KDM4C: variants seen among roughly 807,000 people sequenced by gnomAD.
KDM4C encodes lysine demethylase 4C, also known as lysine-specific demethylase 4C.
KDM4C carries 81 observed loss-of-function variants against 129.3 expected under a neutral mutation model. The observed-to-expected ratio is 0.63, with a 90% CI of 0.52 to 0.75. The LOEUF is 0.75. Among genes scored for constraint, KDM4C ranks in the 30% least tolerant of loss-of-function variants. The pLI, the probability that KDM4C is intolerant of heterozygous loss-of-function variation, is 0.00. For synonymous variants in KDM4C, 573 were observed against 456.1 expected, an observed-to-expected ratio of 1.26 and a Z score of -3.26; for missense variants, 1,457 against 1,304.0, an observed-to-expected ratio of 1.12 and a Z score of -1.81.
chr9:6,734,231 A>G (rs1366222528), intron 1 of KDM4C, among the ~76,000 whole-genome samples: 1 of 151,038 alleles, frequency 6.6e-6, no homozygotes, highest in African/African-American at 2.4e-5. Context: ...CTAGGCTGCT[A>G]CCTGGATAAG....
At chr9:7,146,622 A>G (rs1842237679) in intron 19 of KDM4C, among the ~76,000 whole-genome samples, 1 of 152,224 alleles carries the variant, frequency 6.6e-6, no homozygotes, top group African/African-American at 2.4e-5. Context: ...GTTTCTATGA[A>G]GTAAAAAACT....
At chr9:7,030,279 T>C (rs965490725) in intron 15 of KDM4C, among the ~76,000 whole-genome samples, 5 of 152,192 alleles carry the variant, frequency 3.3e-5, no homozygotes, top group Non-Finnish European at 7.4e-5. Context: ...AAGAATAACA[T>C]GTGACACTGA....
chr9:6,765,212 T>C (rs773469526), intron 1 of KDM4C, among the ~76,000 whole-genome samples: 12 of 152,204 alleles, frequency 7.9e-5, no homozygotes, highest in South Asian at 2.1e-4. Flanking sequence ...CCATGTCTTA[T>C]CTAGATGGTT....
chr9:6,981,693 T>A (rs1816790238), intron 9 of KDM4C: 1 of 171,706 alleles, frequency 5.8e-6, no homozygotes, highest in African/African-American at 2.4e-5. Flanking sequence ...AGCTTTTAGA[T>A]GTGCTGTGGG....
chr9:7,169,946 C>G (rs1587978161), intron 21 of KDM4C, 56 bp downstream of exon 21: 1 of 1,610,546 alleles, frequency 6.2e-7, no homozygotes, highest in South Asian at 1.1e-5. Flanking sequence ...TTGTCCTCAC[C>G]TCATGTTTCC....
At chr9:7,052,863 C>CAGAGAGAGAGAGAGAGAGAGAGAGAG (rs370475585) in intron 17 of KDM4C, among the ~76,000 whole-genome samples, 56 of 41,048 alleles carry the variant, frequency 1.4e-3, no homozygotes, top group Non-Finnish European at 2.2e-3. Context: ...GCCACACCTG[C>CAGAGAGAGAGAGAGAGAGAGAGAGAG]AGAGAGAGAG....
At chr9:6,902,355 A>C (rs1408387674) in intron 8 of KDM4C, among the ~76,000 whole-genome samples, 1 of 152,154 alleles carries the variant, frequency 6.6e-6, no homozygotes, top group Non-Finnish European at 1.5e-5. Context: ...ATAGGAATGC[A>C]CTGTATATAC....
chr9:7,052,868 A>AGAGAGAGAGAGG, intron 17 of KDM4C, among the ~76,000 whole-genome samples: 1 of 22,452 alleles, frequency 4.5e-5, no homozygotes, highest in Admixed American at 5.3e-4. Flanking sequence ...ACCTGCAGAG[A>AGAGAGAGAGAGG]GAGAGAGAGA....
intron 5 of KDM4C, among the ~76,000 whole-genome samples, chr9:6,855,866 CTATT>C (rs1191279299): frequency 5.3e-5 from 8 of 152,190 alleles, no homozygotes; most frequent in African/African-American, 1.4e-4. Context: ...GGGAGCCCCA[CTATT>C]CATTCATTCA....
chr9:6,807,152 G>C (rs1319187440), intron 3 of KDM4C, among the ~76,000 whole-genome samples: 2 of 152,074 alleles, frequency 1.3e-5, no homozygotes, highest in African/African-American at 4.8e-5. Flanking sequence ...GGCCTCCCGA[G>C]GTGCCGGGAT....
At chr9:6,923,340 G>C (rs945797487) in intron 8 of KDM4C, among the ~76,000 whole-genome samples, 3 of 151,924 alleles carry the variant, frequency 2.0e-5, no homozygotes, top group Non-Finnish European at 2.9e-5. Flanking sequence ...ATGGTTTGTA[G>C]TTGCAGTTTC....
At chr9:6,888,851 G>A (rs1220971688) in intron 7 of KDM4C, among the ~76,000 whole-genome samples, 1 of 30,590 alleles carries the variant, frequency 3.3e-5, no homozygotes, top group Non-Finnish European at 6.5e-5. Context: ...GCAGTGGCGG[G>A]ATCTCGGCTC....
chr9:6,794,736 ATAT>A (rs1827393660), intron 2 of KDM4C, among the ~76,000 whole-genome samples: 1 of 152,060 alleles, frequency 6.6e-6, no homozygotes, highest in African/African-American at 2.4e-5. Flanking sequence ...GTGCCAGATA[ATAT>A]TCTTAAAAAA....
At chr9:6,915,628 T>C (rs1820167063) in intron 8 of KDM4C, among the ~76,000 whole-genome samples, 1 of 152,258 alleles carries the variant, frequency 6.6e-6, no homozygotes, top group South Asian at 2.1e-4. Context: ...TCCACTTGAC[T>C]GTCTCAAGAA....
At chr9:6,728,974 G>A (rs1315988383) in intron 1 of KDM4C, among the ~76,000 whole-genome samples, 2 of 151,944 alleles carry the variant, frequency 1.3e-5, no homozygotes, top group Non-Finnish European at 1.5e-5. Context: ...GGGAGGTCGA[G>A]GTGGATGGAT....
chr9:6,731,079 T>G lies in KDM4C; in HGVS notation c.49+10082T>G, dbSNP rs1817316736. On this transcript the variant is annotated intron_variant, in intron 1 of 17. Transcript: ENST00000536108. ...CAATTTTTAGAGATTGACCAAAACT[T>G]GAGTCATTGATGTCACTATCACCGT... 1.3e-5 allele frequency among the ~76,000 whole-genome samples: 2 copies of G among 152,164 alleles called. 1 individual carries two copies. The highest frequency in any genetic ancestry group is 4.1e-4 in the South Asian group (2 of 4,838).
intron 2 of KDM4C, among the ~76,000 whole-genome samples, chr9:6,801,629 CTCTCTCTCTCTG>C (rs1828997104): frequency 1.3e-5 from 2 of 151,764 alleles, no homozygotes; most frequent in African/African-American, 2.4e-5. Flanking sequence ...CTCTCTCTCT[CTCTCTCTCTCTG>C]TCTCTCTCTC....
At chr9:7,156,023 G>C (rs1217790769) in intron 19 of KDM4C, among the ~76,000 whole-genome samples, 1 of 152,170 alleles carries the variant, frequency 6.6e-6, no homozygotes, top group African/African-American at 2.4e-5. Context: ...AGCATCTGTT[G>C]TTTCCTGACT....
intron 8 of KDM4C, chr9:6,942,745 T>G (rs1826184780): frequency 6.6e-6 from 1 of 152,208 alleles, no homozygotes; most frequent in Admixed American, 6.5e-5. Context: ...GATCTGCCTT[T>G]CCTTTGACAG....
Sources: allele counts gnomAD v4.1 joint callset (sites outside exome capture counted in the v4.1 genomes callset), GRCh38; gene constraint gnomAD v4.1.1; transcripts MANE v1.5; gene names NCBI Gene and HGNC (gene_info 2026-07-23, HGNC 2026-07-21).